Variants in PDE4D observed in about 807,000 individuals in gnomAD.
The protein encoded by PDE4D is 3',5'-cyclic-AMP phosphodiesterase 4D.
PDE4D carries 24 observed loss-of-function variants against 87.4 expected under a neutral mutation model. The ratio of observed to expected loss-of-function variants is 0.27; its 90% CI spans 0.20 to 0.39. The LOEUF (loss-of-function observed/expected upper bound fraction) is 0.39, where lower values mean the gene tolerates loss of function less well. PDE4D is among the 10% of genes least tolerant of loss of function. The pLI is 1.00. For missense variants in PDE4D, 714 were observed against 1,041.0 expected (o/e 0.69, Z 4.32); for synonymous variants, 384 against 383.2 (o/e 1.00, Z -0.02).
chr5:59,529,865 G>T (rs112882571), intron 1 of PDE4D, among the ~76,000 whole-genome samples: 1 of 152,052 alleles, frequency 6.6e-6, no homozygotes, highest in East Asian at 1.9e-4. Context: ...CACTGTATTC[G>T]GAAAAATGTG....
chr5:60,427,279 G>T (rs967832089), intron 1 of PDE4D, among the ~76,000 whole-genome samples: 1 of 152,098 alleles, frequency 6.6e-6, no homozygotes, highest in Non-Finnish European at 1.5e-5. Context: ...GCACATCCAA[G>T]ATAAAGAGGA....
chr5:59,782,963 C>G (rs1764777172), intron 1 of PDE4D, among the ~76,000 whole-genome samples: 1 of 152,180 alleles, frequency 6.6e-6, no homozygotes, highest in Admixed American at 6.5e-5. Flanking sequence ...CCATTTCCTT[C>G]TCTTCCTCCT....
At chr5:59,610,390 T>G (rs1190576111) in intron 1 of PDE4D, among the ~76,000 whole-genome samples, 1 of 152,174 alleles carries the variant, frequency 6.6e-6, no homozygotes, top group Non-Finnish European at 1.5e-5. Context: ...TAATTATGTG[T>G]TTGTTACAAT....
intron 1 of PDE4D, among the ~76,000 whole-genome samples, chr5:59,502,518 T>G (rs1207549520): frequency 6.6e-6 from 1 of 152,150 alleles, no homozygotes. Context: ...GATGGAGATA[T>G]ATCTAATGAA....
At chr5:60,314,743 T>G (rs925033468) in intron 1 of PDE4D, among the ~76,000 whole-genome samples, 4 of 151,436 alleles carry the variant, frequency 2.6e-5, no homozygotes, top group African/African-American at 9.7e-5. Context: ...GGTGTTTGGG[T>G]TTTTGTCTTT....
At chr5:60,232,976 A>G (rs1021600171) in intron 1 of PDE4D, among the ~76,000 whole-genome samples, 24 of 151,838 alleles carry the variant, frequency 1.6e-4, no homozygotes, top group Admixed American at 5.3e-4. Flanking sequence ...ACATTACAGA[A>G]AAATTGGGGA....
At chr5:59,602,518 A>G (rs1055702490) in intron 1 of PDE4D, among the ~76,000 whole-genome samples, 7 of 152,138 alleles carry the variant, frequency 4.6e-5, no homozygotes, top group Non-Finnish European at 1.0e-4. Flanking sequence ...ACAAAGCTGT[A>G]TAACATTAAA....
chr5:60,081,473 T>C (rs1322444863), intron 2 of PDE4D, among the ~76,000 whole-genome samples: 3 of 152,108 alleles, frequency 2.0e-5, no homozygotes, highest in Non-Finnish European at 4.4e-5. Flanking sequence ...CTCTTTTTAA[T>C]TGTGATATTA....
chr5:60,473,486 T>C (rs974976004), intron 1 of PDE4D, among the ~76,000 whole-genome samples: 2 of 152,172 alleles, frequency 1.3e-5, no homozygotes, highest in African/African-American at 4.8e-5. Flanking sequence ...AACAAGAGAA[T>C]GATAAAGTAA....
At chr5:60,416,160 C>T (rs1742526432) in intron 1 of PDE4D, among the ~76,000 whole-genome samples, 1 of 152,046 alleles carries the variant, frequency 6.6e-6, no homozygotes, top group Admixed American at 6.5e-5. Context: ...GTGTCTAGCT[C>T]AAGGATTGTA....
At chr5:59,338,351 C>A (rs73092940) in intron 1 of PDE4D, among the ~76,000 whole-genome samples, 3 of 152,194 alleles carry the variant, frequency 2.0e-5, no homozygotes, top group African/African-American at 7.2e-5. Context: ...GTTTCATTAG[C>A]GCAAAAGTTC....
At chr5:59,012,794 C>G (rs546882383) in intron 6 of PDE4D, among the ~76,000 whole-genome samples, 233 of 152,304 alleles carry the variant, frequency 1.5e-3, no homozygotes, top group Non-Finnish European at 2.6e-3. Context: ...AGCTCTGCAA[C>G]AAGCGGACCT....
At chr5:59,395,720 A>C (rs1789274965) in intron 1 of PDE4D, among the ~76,000 whole-genome samples, 2 of 133,004 alleles carry the variant, frequency 1.5e-5, no homozygotes, top group South Asian at 5.1e-4. Context: ...CAACAGAACA[A>C]AGCTGGATGG....
intron 1 of PDE4D, among the ~76,000 whole-genome samples, chr5:59,836,138 T>C (rs946300119): frequency 4.6e-5 from 7 of 152,002 alleles, no homozygotes; most frequent in Admixed American, 4.6e-4. Context: ...ACATAATCAG[T>C]GGGAGGTATG....
chr5:60,169,276 C>T (rs1048631229), intron 2 of PDE4D, among the ~76,000 whole-genome samples: 4 of 151,978 alleles, frequency 2.6e-5, no homozygotes, highest in Non-Finnish European at 4.4e-5. Context: ...CCTCACTAAG[C>T]AAAACACAAA....
intron 1 of PDE4D, among the ~76,000 whole-genome samples, chr5:59,510,402 A>T (rs954792403): frequency 6.6e-6 from 1 of 151,616 alleles, no homozygotes; most frequent in Non-Finnish European, 1.5e-5. Context: ...ATTCAAAAAC[A>T]AACATGAATA....
intron 1 of PDE4D, among the ~76,000 whole-genome samples, chr5:59,310,754 T>C (rs1052141711): frequency 4.6e-5 from 7 of 152,194 alleles, no homozygotes; most frequent in Non-Finnish European, 7.3e-5. Context: ...TGTCCTGTCA[T>C]TTTAAATACT....
chr5:60,301,060 C>T (rs1045035664), intron 1 of PDE4D, among the ~76,000 whole-genome samples: 4 of 152,146 alleles, frequency 2.6e-5, no homozygotes, highest in African/African-American at 9.7e-5. Context: ...TGAGCCAATG[C>T]GCCCAGCCTT....
chr5:59,289,458 T>C (rs1489470106), intron 1 of PDE4D, among the ~76,000 whole-genome samples: 2 of 151,504 alleles, frequency 1.3e-5, no homozygotes, highest in Non-Finnish European at 2.9e-5. Flanking sequence ...TTTCAACAGA[T>C]GCTGAATAAG....
Sources: gnomAD v4.1 joint callset for allele counts (sites outside exome capture counted in the v4.1 genomes callset) on GRCh38, gnomAD v4.1.1 for gene constraint, MANE v1.5 for transcripts, NCBI Gene and HGNC (gene_info 2026-07-23, HGNC 2026-07-21) for gene names.